The following TMEM150C variants were observed in gnomAD, a reference collection of about 807,000 sequenced individuals.
TMEM150C encodes transmembrane protein 150C, also known as tentonin 3.
TMEM150C carries 10 observed loss-of-function variants against 29.9 expected under a neutral mutation model. That is an observed-to-expected ratio of 0.33 (90% CI 0.21 to 0.57). TMEM150C has a LOEUF of 0.57. Ranked by LOEUF, TMEM150C falls within the 20% of genes least tolerant of loss-of-function variation. The pLI is 0.88. For missense variants in TMEM150C, 251 were observed against 303.6 expected (o/e 0.83, Z 1.29); for synonymous variants, 101 against 112.5 (o/e 0.90, Z 0.64).
intron 1 of TMEM150C, among the ~76,000 whole-genome samples, chr4:82,518,853 C>A (rs1724382163): frequency 6.6e-6 from 1 of 152,172 alleles, no homozygotes; most frequent in Non-Finnish European, 1.5e-5. Flanking sequence ...AGAGAATATT[C>A]TTCTTTTAGA....
At chr4:82,555,989 G>A (rs576295183) in intron 1 of TMEM150C, among the ~76,000 whole-genome samples, 49 of 152,236 alleles carry the variant, frequency 3.2e-4, no homozygotes, top group Non-Finnish European at 6.5e-4. Flanking sequence ...TAACAATAAT[G>A]CAAATAATAA....
chr4:82,486,501 C>A (rs1398537843), intron 7 of TMEM150C, among the ~76,000 whole-genome samples: 1 of 152,120 alleles, frequency 6.6e-6, no homozygotes, highest in Non-Finnish European at 1.5e-5. Flanking sequence ...GTCTGAGTGG[C>A]TGGCCTGTCT....
intron 1 of TMEM150C, among the ~76,000 whole-genome samples, chr4:82,507,650 C>CAGCA (rs1723969054): frequency 1.4e-5 from 2 of 143,404 alleles, no homozygotes; most frequent in Non-Finnish European, 3.0e-5. Flanking sequence ...CTTGGCTTGA[C>CAGCA]AAGTTCAGAT....
At chr4:82,490,715 C>T in intron 6 of TMEM150C, 1 of 356,596 alleles carries the variant, frequency 2.8e-6, no homozygotes, top group Non-Finnish European at 5.4e-6. Context: ...TCTGGAGTAG[C>T]TGGGACCACA....
In TMEM150C at chr4:82,485,152, G is replaced by T; in HGVS notation, c.*359C>A. ...GACCTGAAGGCAACGTCGGGAGTTG[G>T]CATTACTCCCAAGGAACATTTGGCC... is the stretch of plus-strand genomic sequence containing the variant. On this transcript the variant is annotated 3_prime_UTR_variant, in exon 8 of 8. Transcript: ENST00000449862. The T allele has an allele frequency of 4.8e-6, 1 of 208,264 alleles. No individual in the cohort carries two copies. The highest frequency in any genetic ancestry group is 9.7e-6 in the Non-Finnish European group (1 of 102,840). 12.9% of individuals were successfully genotyped at this position (208,264 alleles called of 1,614,324 possible). A position where few individuals can be genotyped will look rare whatever the true frequency, so the allele number is the denominator to read the frequency against.
intron 1 of TMEM150C, among the ~76,000 whole-genome samples, chr4:82,549,633 G>C (rs905431200): frequency 2.6e-5 from 4 of 152,104 alleles, no homozygotes; most frequent in Admixed American, 2.6e-4. Context: ...CCACAAGTAA[G>C]GATTAAACAT....
intron 5 of TMEM150C, among the ~76,000 whole-genome samples, chr4:82,499,989 ACAT>A (rs1383587666): frequency 6.6e-6 from 1 of 152,162 alleles, no homozygotes; most frequent in Non-Finnish European, 1.5e-5. Context: ...TCGGTGACTG[ACAT>A]CATTCAGCTA....
intron 1 of TMEM150C, among the ~76,000 whole-genome samples, chr4:82,536,426 A>G (rs1363042606): frequency 2.0e-5 from 3 of 152,142 alleles, no homozygotes; most frequent in African/African-American, 7.2e-5. Context: ...AAACGGGGAA[A>G]AAATGACCCA....
intron 1 of TMEM150C, among the ~76,000 whole-genome samples, chr4:82,521,741 G>A (rs1724492435): frequency 6.6e-6 from 1 of 152,212 alleles, no homozygotes; most frequent in South Asian, 2.1e-4. Context: ...CAGGGTAACT[G>A]ATTGAGATGT....
intron 1 of TMEM150C, among the ~76,000 whole-genome samples, chr4:82,505,879 A>T (rs1723903850): frequency 6.6e-6 from 1 of 152,232 alleles, no homozygotes; most frequent in East Asian, 1.9e-4. Context: ...CTATCACTTT[A>T]TGCCTTAACT....
chr4:82,519,633 G>C (rs1724419484), intron 1 of TMEM150C, among the ~76,000 whole-genome samples: 1 of 151,904 alleles, frequency 6.6e-6, no homozygotes, highest in African/African-American at 2.4e-5. Context: ...TACCATGTTG[G>C]CCAGGCTGGT....
chr4:82,492,113 GTTT>G (rs761436811), intron 6 of TMEM150C, among the ~76,000 whole-genome samples: 6 of 108,200 alleles, frequency 5.5e-5, no homozygotes, highest in African/African-American at 3.7e-4. Flanking sequence ...CTAAATAATT[GTTT>G]TTTGTTGTTG....
chr4:82,561,410 G>A (rs1327136384), intron 1 of TMEM150C, among the ~76,000 whole-genome samples: 4 of 152,234 alleles, frequency 2.6e-5, no homozygotes, highest in African/African-American at 9.6e-5. Flanking sequence ...TGCTTCCCGA[G>A]CCAGCCTGAC....
At chr4:82,504,032 C>G (rs1453983186) in intron 2 of TMEM150C, among the ~76,000 whole-genome samples, 1 of 152,062 alleles carries the variant, frequency 6.6e-6, no homozygotes, top group Non-Finnish European at 1.5e-5. Flanking sequence ...AACACATGAA[C>G]ACAAAATAAA....
chr4:82,493,770 C>T (rs1404447059), intron 6 of TMEM150C, among the ~76,000 whole-genome samples: 1 of 152,182 alleles, frequency 6.6e-6, no homozygotes, highest in African/African-American at 2.4e-5. Flanking sequence ...TGCCCCATGC[C>T]TTACATTTTG....
intron 1 of TMEM150C, among the ~76,000 whole-genome samples, chr4:82,530,819 G>A (rs1164462838): frequency 6.6e-6 from 1 of 152,166 alleles, no homozygotes; most frequent in Non-Finnish European, 1.5e-5. Flanking sequence ...AGAGGCCTCA[G>A]GAAACTTACC....
At chr4:82,556,035 G>A (rs1725724737) in intron 1 of TMEM150C, among the ~76,000 whole-genome samples, 2 of 151,900 alleles carry the variant, frequency 1.3e-5, no homozygotes, top group African/African-American at 4.8e-5. Context: ...TATGGACTGA[G>A]TGGTGCAGAG....
chr4:82,556,102 T>C (rs1360257893), intron 1 of TMEM150C, among the ~76,000 whole-genome samples: 3 of 152,002 alleles, frequency 2.0e-5, no homozygotes, highest in Non-Finnish European at 4.4e-5. Context: ...TTTTTTTTTT[T>C]CTTGGAGGGG....
rs1723129474 is a variant in TMEM150C at position 82,485,485 on chromosome 4, C to T, written c.*26G>A. 1.3e-6 allele frequency: 2 copies of T among 1,564,536 alleles called. No individual in the cohort carries two copies. The highest frequency in any genetic ancestry group is 2.7e-5 in the African/African-American group (2 of 73,980). The stretch of plus-strand genomic sequence containing the variant: ...GCCCCTCCCCCACTGTCACACCCAC[C>T]TCACCAGCAAGGAAAAACTGATGGT... On this transcript the variant is annotated 3_prime_UTR_variant, in exon 8 of 8. Coordinates refer to ENST00000449862, the MANE Select transcript of TMEM150C (RefSeq NM_001080506.3).
Sources: gnomAD v4.1 joint callset for allele counts (sites outside exome capture counted in the v4.1 genomes callset) on GRCh38, gnomAD v4.1.1 for gene constraint, MANE v1.5 for transcripts, NCBI Gene and HGNC (gene_info 2026-07-23, HGNC 2026-07-21) for gene names.